NGEF: variants seen among roughly 807,000 people sequenced by gnomAD.
The protein encoded by NGEF is ephexin-1.
NGEF carries 31 observed loss-of-function variants against 80.9 expected under a neutral mutation model. The ratio of observed to expected loss-of-function variants is 0.38; its 90% CI spans 0.29 to 0.52. The LOEUF (loss-of-function observed/expected upper bound fraction) is 0.52. Ranked by LOEUF, NGEF falls within the 20% of genes least tolerant of loss-of-function variation. The probability of loss-of-function intolerance (pLI) is 0.84; values close to 1 mark genes in which losing one functional copy is unlikely to be tolerated. For synonymous variants in NGEF, 371 were observed against 370.2 expected (o/e 1.00, Z -0.03); for missense variants, 709 against 926.2 (o/e 0.77, Z 3.04).
At chr2:232,927,002 C>T in intron 4 of NGEF, 42 bp downstream of exon 4, 2 of 1,613,636 alleles carry the variant, frequency 1.2e-6, no homozygotes, top group Non-Finnish European at 8.5e-7. Flanking sequence ...TCCAGGGACC[C>T]GCGTTTCCCA....
chr2:232,920,216 C>G, intron 5 of NGEF, 68 bp downstream of exon 5: 1 of 1,500,298 alleles, frequency 6.7e-7, no homozygotes, highest in Non-Finnish European at 9.0e-7. Context: ...CAGAGGAAGC[C>G]TCACCCCCAG....
rs1691528167 is a variant in NGEF, at chr2:232,882,279, G to A, written c.1758-14C>T. 1 of 1,611,142 alleles carries A rather than the reference G, an allele frequency of 6.2e-7. No individual in the cohort carries two copies. The highest frequency in any genetic ancestry group is 8.5e-7 in the Non-Finnish European group (1 of 1,178,144). ...TTCATCTCACTCCTGGCACAGGGAA[G>A]AGGACAGTGCCCCAACTGCAGATCA... On this transcript the variant is annotated splice_polypyrimidine_tract_variant and intron_variant, in intron 12 of 14. Transcript: ENST00000264051.
At chr2:232,888,416 A>G (rs1208660359) in intron 8 of NGEF, among the ~76,000 whole-genome samples, 1 of 152,056 alleles carries the variant, frequency 6.6e-6, no homozygotes, top group Non-Finnish European at 1.5e-5. Context: ...ACATGCATGC[A>G]CACACGTGCA....
At position 232,885,382 on chromosome 2, in the gene NGEF, G is replaced by A. The variant is rs778512489; in HGVS notation, c.1348-13C>T. 1 of 1,612,418 alleles carries A rather than the reference G, an allele frequency of 6.2e-7. No homozygotes were observed. The highest frequency in any genetic ancestry group is 8.5e-7 in the Non-Finnish European group (1 of 1,178,552). On this transcript the variant is annotated splice_polypyrimidine_tract_variant and intron_variant, in intron 9 of 14. Transcript: ENST00000264051. ...ATGCCTTCACCACCTGGGACAAGAAGGAGGGCACATCAGGCCACCAAAGCC... is the reference window on the plus strand; with the variant it reads ...ATGCCTTCACCACCTGGGACAAGAAAGAGGGCACATCAGGCCACCAAAGCC...
chr2:232,976,611 G>T (rs1483519907), intron 1 of NGEF, among the ~76,000 whole-genome samples: 1 of 152,202 alleles, frequency 6.6e-6, no homozygotes, highest in Non-Finnish European at 1.5e-5. Flanking sequence ...GTATCAGAAG[G>T]TTTGCCCTAG....
rs1487928013 is a variant in NGEF at position 232,906,240 on chromosome 2, G to A, written c.829-11324C>T. 9.0e-5 allele frequency among the ~76,000 whole-genome samples: 9 copies of A among 99,688 alleles called. 1 individual carries two copies. The highest frequency in any genetic ancestry group is 2.8e-4 in the Admixed American group (3 of 10,830). 65.4% of individuals were successfully genotyped at this position (99,688 alleles called of 152,430 possible). On this transcript the variant is annotated intron_variant, in intron 5 of 14. Coordinates refer to ENST00000264051, the MANE Select transcript of NGEF (RefSeq NM_019850.3). ...GTGGGGGGGGGTCAGCCCCCCGCCC[G>A]GCCAGCCGCCCCATCCGGGAGGTGA...
intron 1 of NGEF, among the ~76,000 whole-genome samples, chr2:233,008,828 G>A (rs1216241400): frequency 6.7e-6 from 1 of 148,552 alleles, no homozygotes; most frequent in Non-Finnish European, 1.5e-5. Context: ...TTGAGACGGA[G>A]TCTTGCTCTG....
chr2:233,008,808 T>C (rs980161418), intron 1 of NGEF, among the ~76,000 whole-genome samples: 1 of 152,124 alleles, frequency 6.6e-6, no homozygotes, highest in Admixed American at 6.5e-5. Context: ...TCTTTTTTTT[T>C]TTTTCTTTTT....
intron 3 of NGEF, among the ~76,000 whole-genome samples, chr2:232,929,122 A>T (rs903949673): frequency 6.6e-6 from 1 of 152,212 alleles, no homozygotes; most frequent in African/African-American, 2.4e-5. Flanking sequence ...CTGCGCCTGC[A>T]GCCGGGCCTG....
At chr2:232,994,944 AT>A (rs1694747344) in intron 1 of NGEF, among the ~76,000 whole-genome samples, 1 of 21,032 alleles carries the variant, frequency 4.8e-5, no homozygotes, top group Non-Finnish European at 8.0e-5. Flanking sequence ...ATATACACAC[AT>A]ATAATACATA....
At chr2:232,927,777 C>A in intron 3 of NGEF, 1 of 557,582 alleles carries the variant, frequency 1.8e-6, no homozygotes. Context: ...CGGCGGGGGC[C>A]CGCGGAGGAG....
intron 1 of NGEF, among the ~76,000 whole-genome samples, chr2:232,995,578 A>ATATACAGTATGTATACTATG (rs1694814501): frequency 1.5e-5 from 1 of 65,190 alleles, no homozygotes; most frequent in African/African-American, 1.5e-4. Flanking sequence ...CTGTATATAT[A>ATATACAGTATGTATACTATG]TATACAGTAT....
intron 5 of NGEF, among the ~76,000 whole-genome samples, chr2:232,911,912 G>A (rs745599202): frequency 9.2e-5 from 14 of 152,098 alleles, no homozygotes; most frequent in Non-Finnish European, 1.6e-4. Context: ...TAGATTCTTT[G>A]GGATGTTTCA....
chr2:232,967,498 C>A (rs1694086719), intron 3 of NGEF, among the ~76,000 whole-genome samples: 1 of 151,828 alleles, frequency 6.6e-6, no homozygotes, highest in South Asian at 2.1e-4. Context: ...CCATCCCGGA[C>A]TTATTTTTGT....
At chr2:232,939,469 A>G (rs1258255538) in intron 3 of NGEF, among the ~76,000 whole-genome samples, 1 of 152,234 alleles carries the variant, frequency 6.6e-6, no homozygotes, top group Non-Finnish European at 1.5e-5. Context: ...GAAACAAGAA[A>G]GAAAAATATT....
intron 5 of NGEF, among the ~76,000 whole-genome samples, chr2:232,897,326 G>A (rs1692131605): frequency 6.6e-6 from 1 of 151,964 alleles, no homozygotes; most frequent in South Asian, 2.1e-4. Context: ...GTGGGGTTTT[G>A]CAGGCTGTTT....
At chr2:232,993,098 A>AATAAATATATAT (rs1384537278) in intron 1 of NGEF, among the ~76,000 whole-genome samples, 8 of 93,644 alleles carry the variant, frequency 8.5e-5, no homozygotes, top group Non-Finnish European at 1.6e-4. Flanking sequence ...TATATATATA[A>AATAAATATATAT]ATAAATAAAT....
intron 2 of NGEF, among the ~76,000 whole-genome samples, chr2:232,973,353 C>G (rs527508652): frequency 4.3e-4 from 66 of 152,308 alleles, no homozygotes; most frequent in Non-Finnish European, 8.2e-4. Context: ...TTGCTTAACT[C>G]AGTGCTTGAT....
At position 232,894,767 on chromosome 2, in the gene NGEF, A is replaced by G. The variant is rs2106234969; in HGVS notation, c.978T>C (p.Ala326=). ...ILFSNVLDVL[A]VSERFLLELE... ...CCCCCCGTCCTCACCGCTCACTGAC[A>G]GCCAGCACGTCCAGGACGTTGGAGA... is the stretch of plus-strand genomic sequence containing the variant. The change falls in exon 6 of 15, where the codon GCT becomes GCC. Residue 326 remains alanine, a synonymous_variant. Transcript: ENST00000264051. 6.3e-7 allele frequency: 1 copy of G among 1,586,784 alleles called. No individual in the cohort carries two copies. Among genetic ancestry groups the G allele is most frequent in the Non-Finnish European group, 8.6e-7 (1 of 1,158,604 alleles).
Sources: allele counts gnomAD v4.1 joint callset (sites outside exome capture counted in the v4.1 genomes callset), GRCh38; gene constraint gnomAD v4.1.1; transcripts MANE v1.5; gene names NCBI Gene and HGNC (gene_info 2026-07-23, HGNC 2026-07-21).